NCOR2: variants seen among roughly 807,000 people sequenced by gnomAD.
NCOR2 encodes CTG repeat protein 26.
A neutral mutation model predicts 262.9 loss-of-function variants in NCOR2; 81 were observed. The observed-to-expected ratio is 0.31, with a 90% CI of 0.26 to 0.37. The LOEUF is 0.37. Among genes scored for constraint, NCOR2 ranks in the 10% least tolerant of loss-of-function variants. The pLI is 1.00. For synonymous variants in NCOR2, 1,659 were observed against 1,559.3 expected, an observed-to-expected ratio of 1.06 and a Z score of -1.51; for missense variants, 3,385 against 3,621.4, an observed-to-expected ratio of 0.93 and a Z score of 1.68.
chr12:124,510,783 G>C (rs60419381), intron 1 of NCOR2, among the ~76,000 whole-genome samples: 1 of 151,994 alleles, frequency 6.6e-6, no homozygotes, highest in South Asian at 2.1e-4. Context: ...GGGCCGCCGC[G>C]GACAGGCTGT....
intron 16 of NCOR2, among the ~76,000 whole-genome samples, chr12:124,397,079 T>C (rs1487898637): frequency 6.6e-6 from 1 of 152,194 alleles, no homozygotes; most frequent in East Asian, 1.9e-4. Context: ...CTCTGCTTCC[T>C]GGCTCCTTGC....
At chr12:124,400,350 A>C in intron 15 of NCOR2, 151 bp downstream of exon 17, 1 of 1,035,362 alleles carries the variant, frequency 9.7e-7, no homozygotes, top group Non-Finnish European at 1.4e-6. Context: ...CAGCACATCC[A>C]GTAGGTAGCG....
chr12:124,400,564 G>A (rs748178736), exon 15 of NCOR2: 6 of 1,614,204 alleles, frequency 3.7e-6, no homozygotes, highest in Admixed American at 1.7e-5. Flanking sequence ...GCCATTGAGC[G>A]GGTGATGCGG....
intron 20 of NCOR2, among the ~76,000 whole-genome samples, chr12:124,367,405 C>G (rs891238492): frequency 2.0e-5 from 3 of 152,138 alleles, no homozygotes; most frequent in Admixed American, 6.5e-5. Context: ...GTAAAGAAGG[C>G]AGCAGCCAGC....
At chr12:124,375,176 C>T (rs772723309) in intron 18 of NCOR2, among the ~76,000 whole-genome samples, 2 of 152,196 alleles carry the variant, frequency 1.3e-5, no homozygotes, top group South Asian at 4.1e-4. Flanking sequence ...CTTCCTGTGT[C>T]CTTAACCCCT....
chr12:124,470,092 G>A (rs2046751732), intron 4 of NCOR2, among the ~76,000 whole-genome samples: 2 of 151,878 alleles, frequency 1.3e-5, no homozygotes, highest in South Asian at 4.2e-4. Flanking sequence ...CTTGAGCCCA[G>A]GAGGTAGAGG....
intron 1 of NCOR2, among the ~76,000 whole-genome samples, chr12:124,508,551 AG>A (rs2049185148): frequency 6.6e-6 from 1 of 152,148 alleles, no homozygotes; most frequent in Non-Finnish European, 1.5e-5. Context: ...AGGGGCCCGC[AG>A]GAAGGGGGTG....
intron 16 of NCOR2, 59 bp from the exon 19 acceptor site, chr12:124,385,946 G>T (rs2040770262): frequency 6.3e-7 from 1 of 1,575,754 alleles, no homozygotes; most frequent in South Asian, 1.1e-5. Flanking sequence ...GAGGGGGCCT[G>T]CATCCATGGC....
intron 43 of NCOR2, chr12:124,332,012 G>C: frequency 2.7e-6 from 1 of 366,222 alleles, no homozygotes; most frequent in Non-Finnish European, 5.2e-6. Context: ...GGAGGCGCCC[G>C]GCCCTTGTGT....
intron 7 of NCOR2, among the ~76,000 whole-genome samples, chr12:124,447,143 G>A (rs1306716507): frequency 6.6e-6 from 1 of 152,212 alleles, no homozygotes; most frequent in Non-Finnish European, 1.5e-5. Context: ...TCGAACTCCT[G>A]ACCTCAAGTT....
intron 1 of NCOR2, among the ~76,000 whole-genome samples, chr12:124,486,987 C>A (rs1196507045): frequency 6.6e-6 from 1 of 152,228 alleles, no homozygotes; most frequent in African/African-American, 2.4e-5. Context: ...GCTGTCTTCG[C>A]TTTTCTACCC....
Position 124,372,579 on chromosome 12 carries a change from G to A in NCOR2, c.2250C>T (p.Ser750=), listed in dbSNP as rs199707896. The change falls in exon 20 of 47, where the codon AGC becomes AGT. Residue 750 remains serine (S), a synonymous_variant. Coordinates refer to ENST00000405201, the Ensembl canonical transcript of NCOR2. ...CGGCCTCAGTGTGAGGAGAGGGGATGCTCTCGGTGTCTGAGCTGTTGTTGA... is the reference window on the plus strand; with the variant it reads ...CGGCCTCAGTGTGAGGAGAGGGGATACTCTCGGTGTCTGAGCTGTTGTTGA... The A allele has an allele frequency of 1.6e-4, 257 of 1,598,348 alleles. No individual in the cohort carries two copies. In the African/African-American group the frequency reaches 2.1e-3, roughly 13 times the overall value.
chr12:124,385,981 A>T lies in NCOR2; in HGVS notation c.1877-94T>A, dbSNP rs139390251. The T allele has an allele frequency of 5.6e-3, 8,172 of 1,466,478 alleles. 34 individuals carry two copies. The highest frequency in any genetic ancestry group is 6.3e-3 in the Non-Finnish European group (6,975 of 1,098,526). The allele number at this position is 1,466,478 out of a possible 1,614,324, so 90.8% of individuals were successfully genotyped here. A position where few individuals can be genotyped will look rare whatever the true frequency, so the allele number is the denominator to read the frequency against. ...CCTGGGCGGCAAACGGGCCTGGAGC[A>T]GAAACCCAGCCTGGGGCTCCCTGCT... On this transcript the variant is annotated intron_variant, in intron 16 of 46. Coordinates refer to ENST00000405201, the Ensembl canonical transcript of NCOR2.
chr12:124,393,245 C>T (rs550384384), intron 16 of NCOR2, among the ~76,000 whole-genome samples: 1 of 152,328 alleles, frequency 6.6e-6, no homozygotes, highest in Non-Finnish European at 1.5e-5. Flanking sequence ...CCTCCTTCCC[C>T]ACTTGGCGCT....
rs555405470 is a variant in NCOR2, at chr12:124,564,344, TG to T, written c.-165+2963del. On this transcript the variant is annotated intron_variant, in intron 1 of 32. Transcript: ENST00000458234. ...CTCTCCCCAGGCAGCAGCTCAAGCT[TG>T]GGGCCCTCCTTGCCCCTCCCCTGGG... Among the ~76,000 whole-genome samples the T allele has an allele frequency of 5.9e-5, 9 of 152,248 alleles. No individual in the cohort carries two copies. In the South Asian group the frequency reaches 1.9e-3, roughly 32 times the overall value.
intron 1 of NCOR2, 151 bp downstream of exon 3, chr12:124,494,996 C>G (rs1012325584): frequency 2.2e-6 from 2 of 901,272 alleles, no homozygotes; most frequent in African/African-American, 1.7e-5. Flanking sequence ...GCTTCAGACA[C>G]CAGGGGTCTC....
intron 5 of NCOR2, among the ~76,000 whole-genome samples, chr12:124,458,495 G>A (rs745728535): frequency 2.6e-5 from 4 of 152,304 alleles, no homozygotes; most frequent in African/African-American, 4.8e-5. Context: ...CCAAAACCCC[G>A]AGACCTGCAG....
rs746093632 is a variant in NCOR2 at position 124,517,029 on chromosome 12, AC to A, written c.-118+18535del. ...CACAGCCAGGAAGTGTCCAACCAGG[AC>A]AGGAACCCAGGCAGTCTGCCCCGCG... On this transcript the variant is annotated intron_variant, in intron 1 of 46. Coordinates refer to the NCOR2 transcript ENST00000404621. The surrounding 1 kb of genome is among the most constrained non-coding windows in gnomAD (Gnocchi z 7.6). Among the ~76,000 whole-genome samples the A allele has an allele frequency of 1.1e-4, 16 of 151,994 alleles. No individual in the cohort carries two copies. The highest frequency in any genetic ancestry group is 2.0e-4 in the Admixed American group (3 of 15,260).
At chr12:124,384,429 C>A (rs1000644924) in intron 17 of NCOR2, among the ~76,000 whole-genome samples, 1 of 152,182 alleles carries the variant, frequency 6.6e-6, no homozygotes, top group Non-Finnish European at 1.5e-5. Context: ...GGAGGGCACG[C>A]GGGGCACTGC....
Sources: gnomAD v4.1 joint callset for allele counts (sites outside exome capture counted in the v4.1 genomes callset) on GRCh38, gnomAD v4.1.1 for gene constraint, Gnocchi (gnomAD v3.1) non-coding constraint, MANE v1.5 for transcripts, NCBI Gene and HGNC (gene_info 2026-07-23, HGNC 2026-07-21) for gene names.